Variants in SHROOM4 observed in about 807,000 individuals in gnomAD.
SHROOM4 encodes the protein protein Shroom4.
Under a neutral mutation model 80.3 loss-of-function variants are expected in SHROOM4, and 17 were observed. The observed-to-expected ratio is 0.21, with a 90% CI of 0.14 to 0.32. The LOEUF is 0.32. Ranked by LOEUF, SHROOM4 falls within the 10% of genes least tolerant of loss-of-function variation. The pLI, the probability that SHROOM4 is intolerant of heterozygous loss-of-function variation, is 1.00. For synonymous variants in SHROOM4, 400 were observed against 437.5 expected (o/e 0.91, Z 1.07); for missense variants, 993 against 1,140.3 (o/e 0.87, Z 1.86).
rs190224805 is a variant in SHROOM4 at position 50,603,986 on chromosome X, T to C, written c.3762-1173A>G. On this transcript the variant is annotated intron_variant, in intron 6 of 8. Coordinates refer to ENST00000376020, the MANE Select transcript of SHROOM4 (RefSeq NM_020717.5). ...CTACCCCTTCGCTAACCTCTAGCTG[T>C]TTGAAAGGGAAAATAGGAGAAACTC... Among the ~76,000 whole-genome samples the C allele has an allele frequency of 1.1e-4, 12 of 111,849 alleles. No homozygotes were observed. In the East Asian group the frequency reaches 3.4e-3, roughly 32 times the overall value.
intron 1 of SHROOM4, among the ~76,000 whole-genome samples, chrX:50,748,985 T>C (rs781988471): frequency 1.8e-5 from 2 of 112,169 alleles, no homozygotes; most frequent in Non-Finnish European, 3.8e-5. Context: ...CCAAGGCTGG[T>C]GGATTGCTTG....
intron 6 of SHROOM4, among the ~76,000 whole-genome samples, chrX:50,607,168 C>G (rs1557248655): frequency 9.0e-6 from 1 of 111,687 alleles, no homozygotes; most frequent in African/African-American, 3.3e-5. Context: ...ATGTGCTAAG[C>G]ATGGAGCTAT....
rs1225050646 is a variant in SHROOM4, at chrX:50,602,673, A to G, written c.3902T>C (p.Leu1301Pro). Reference sequence around the variant, plus strand: ...TTCATGGTCAACTTCCTCCTCTCCTAGGCCAATCTCTGCCATCTCAGGTTG... The same window carrying G: ...TTCATGGTCAACTTCCTCCTCTCCTGGGCCAATCTCTGCCATCTCAGGTTG... Reference protein sequence around the residue: ...KDQPEMAEIGLGEEEVDHELA... With the variant: ...KDQPEMAEIGPGEEEVDHELA... Residue 1301 changes from leucine (L) to proline (P), a missense_variant, in exon 7 of 9, where the codon CTA (leucine) becomes CCA (proline). Transcript: ENST00000376020. 8.3e-7 allele frequency: 1 copy of G among 1,209,607 alleles called. No homozygotes were observed. The highest frequency in any genetic ancestry group is 1.8e-5 in the African/African-American group (1 of 57,034).
Position 50,651,987 on chromosome X carries a change from G to A in SHROOM4, c.270-13679C>T, listed in dbSNP as rs147820972. 9.2e-3 allele frequency among the ~76,000 whole-genome samples: 1,028 copies of A among 111,587 alleles called. 13 individuals are homozygous for A. Among genetic ancestry groups the A allele is most frequent in the African/African-American group, 0.032 (988 of 30,645 alleles). On this transcript the variant is annotated intron_variant, in intron 2 of 8. Coordinates refer to ENST00000376020, the MANE Select transcript of SHROOM4 (RefSeq NM_020717.5). ...TTTCTTTATCCAGTTTATCATTGAT[G>A]GGCATTTGGGTTGGTTCCAAGTCTT... is the stretch of plus-strand genomic sequence containing the variant.
At chrX:50,648,183 G>C (rs1327588579) in intron 2 of SHROOM4, among the ~76,000 whole-genome samples, 1 of 111,803 alleles carries the variant, frequency 8.9e-6, no homozygotes. Flanking sequence ...GAAAGTAGCA[G>C]TTGGGACAAG....
intron 1 of SHROOM4, among the ~76,000 whole-genome samples, chrX:50,779,008 G>A (rs1198678444): frequency 4.5e-5 from 5 of 112,041 alleles, no homozygotes; most frequent in African/African-American, 1.3e-4. Context: ...AACAGCATCT[G>A]GCCGAGTTAC....
intron 2 of SHROOM4, among the ~76,000 whole-genome samples, chrX:50,676,329 T>A (rs1329283878): frequency 9.0e-6 from 1 of 110,822 alleles, no homozygotes; most frequent in African/African-American, 3.3e-5. Flanking sequence ...AAAGCAGTTA[T>A]TAAATCACTT....
At chrX:50,805,866 C>G (rs1936216039) in intron 1 of SHROOM4, among the ~76,000 whole-genome samples, 1 of 111,228 alleles carries the variant, frequency 9.0e-6, no homozygotes, top group South Asian at 3.9e-4. Flanking sequence ...CCCTCTGATT[C>G]TGTTATGATT....
At chrX:50,704,615 A>G (rs782087754) in intron 1 of SHROOM4, among the ~76,000 whole-genome samples, 1 of 111,856 alleles carries the variant, frequency 8.9e-6, no homozygotes, top group Non-Finnish European at 1.9e-5. Flanking sequence ...ACACATAGCC[A>G]ACATTAGTCA....
intron 1 of SHROOM4, among the ~76,000 whole-genome samples, chrX:50,793,159 T>C (rs781911881): frequency 9.1e-6 from 1 of 109,985 alleles, no homozygotes; most frequent in African/African-American, 3.3e-5. Context: ...CTGGAGGACA[T>C]TATGCTAAAT....
intron 2 of SHROOM4, among the ~76,000 whole-genome samples, chrX:50,639,057 T>C (rs1312655183): frequency 8.9e-6 from 1 of 112,597 alleles, no homozygotes; most frequent in Non-Finnish European, 1.9e-5. Context: ...GATTGGCTGC[T>C]CAGCAGGTCA....
intron 2 of SHROOM4, among the ~76,000 whole-genome samples, chrX:50,641,307 G>A (rs1557257134): frequency 1.8e-5 from 2 of 112,542 alleles, no homozygotes; most frequent in African/African-American, 6.5e-5. Context: ...CACTTTAGAT[G>A]TGTGTATCTG....
chrX:50,795,364 TCCTAAAG>T (rs2147716497), intron 1 of SHROOM4, among the ~76,000 whole-genome samples: 1 of 108,398 alleles, frequency 9.2e-6, no homozygotes, highest in South Asian at 3.9e-4. Flanking sequence ...TTTCAGAAGT[TCCTAAAG>T]CCTAGCTCTA....
intron 1 of SHROOM4, among the ~76,000 whole-genome samples, chrX:50,775,239 C>G (rs782209568): frequency 1.8e-5 from 2 of 111,764 alleles, no homozygotes; most frequent in African/African-American, 3.3e-5. Context: ...AACTAGCAGC[C>G]TAGCTTCTTA....
At chrX:50,739,201 C>G (rs534260597) in intron 1 of SHROOM4, among the ~76,000 whole-genome samples, 1 of 109,713 alleles carries the variant, frequency 9.1e-6, no homozygotes, top group African/African-American at 3.3e-5. Flanking sequence ...TAAAGACTTA[C>G]ATGTTAGACC....
chrX:50,691,478 T>G (rs1303232454), intron 2 of SHROOM4, among the ~76,000 whole-genome samples: 1 of 104,664 alleles, frequency 9.6e-6, no homozygotes, highest in Non-Finnish European at 2.0e-5. Flanking sequence ...TGAGAAATCA[T>G]GAGTGGCTGG....
Position 50,593,102 on chromosome X carries a change from A to G in SHROOM4, c.*3593T>C, listed in dbSNP as rs1367408684. On this transcript the variant is annotated 3_prime_UTR_variant, in exon 9 of 9. Transcript: ENST00000376020. ...ATAGATGTCTAAAAGCTGTTCCCCTAAAAAGGCTATGGCAGATCCTGCTAT... is the reference window on the plus strand; with the variant it reads ...ATAGATGTCTAAAAGCTGTTCCCCTGAAAAGGCTATGGCAGATCCTGCTAT... 8.9e-6 allele frequency: 1 copy of G among 112,090 alleles called. No individual in the cohort carries two copies. Among genetic ancestry groups the G allele is most frequent in the Non-Finnish European group, 1.9e-5 (1 of 53,246 alleles). 9.2% of individuals were successfully genotyped at this position (112,090 alleles called of 1,213,427 possible).
chrX:50,656,119 C>A, intron 2 of SHROOM4, among the ~76,000 whole-genome samples: 1 of 111,586 alleles, frequency 9.0e-6, no homozygotes, highest in South Asian at 3.7e-4. Context: ...TGTTTTCTTA[C>A]TATTGACTTG....
Position 50,596,468 on chromosome X carries a change from A to G in SHROOM4, c.*227T>C. The G allele has an allele frequency of 5.8e-6, 3 of 518,227 alleles. No individual in the cohort carries two copies. Among genetic ancestry groups the G allele is most frequent in the Non-Finnish European group, 6.8e-6 (2 of 293,333 alleles). 42.7% of individuals were successfully genotyped at this position (518,227 alleles called of 1,213,427 possible). ...ACTGTGGGAAGGAGAGTGTGGTTCT[A>G]AGATCACACCTTGCTGCAGCTCCCT... On this transcript the variant is annotated 3_prime_UTR_variant, in exon 9 of 9. Transcript: ENST00000376020.
Sources: allele counts gnomAD v4.1 joint callset (sites outside exome capture counted in the v4.1 genomes callset), GRCh38; gene constraint gnomAD v4.1.1; transcripts MANE v1.5; gene names NCBI Gene and HGNC (gene_info 2026-07-23, HGNC 2026-07-21).